Variants in PKD1 observed in about 807,000 individuals in gnomAD.
The protein encoded by PKD1 is polycystin 1, transient receptor potential channel interacting.
In PKD1, 81 loss-of-function variants were observed where a neutral mutation model predicts 361.7. The ratio of observed to expected loss-of-function variants is 0.22; its 90% CI spans 0.19 to 0.27. PKD1 has a LOEUF of 0.27. Ranked by LOEUF, PKD1 falls within the 10% of genes least tolerant of loss-of-function variation. The pLI is 1.00. For synonymous variants in PKD1, 3,615 were observed against 2,818.3 expected, an observed-to-expected ratio of 1.28 and a Z score of -8.95; for missense variants, 6,399 against 6,118.3, an observed-to-expected ratio of 1.05 and a Z score of -1.53.
chr16:2,116,544 C>A lies in PKD1; in HGVS notation c.1707G>T (p.Pro569=), dbSNP rs371587349. Residue 569 remains proline (P), a synonymous_variant, in exon 8 of 46, where the codon CCG becomes CCT. Coordinates refer to ENST00000262304, the MANE Select transcript of PKD1 (RefSeq NM_001009944.3). ...GGCCGACTACCTCCACGGGCTCGTG[C>A]GGGGCTGAGAGGCCGTCCTGCTGTG... ...PLAQQDGLSA[P]HEPVEVMVFP... 19 of 1,545,782 alleles carry A rather than the reference C, an allele frequency of 1.2e-5. No homozygotes were observed. In the African/African-American group the frequency reaches 1.9e-4, roughly 16 times the overall value.
intron 16 of PKD1, 165 bp from the exon 17 acceptor site, chr16:2,107,113 C>T (rs2092365564): frequency 4.2e-6 from 3 of 710,990 alleles, no homozygotes; most frequent in Non-Finnish European, 7.5e-6. Context: ...TGCCACCTTC[C>T]AACTTGGACG....
At chr16:2,129,858 C>T (rs1273251795) in intron 1 of PKD1, among the ~76,000 whole-genome samples, 1 of 151,718 alleles carries the variant, frequency 6.6e-6, no homozygotes, top group East Asian at 1.9e-4. Context: ...CATGTTTAAA[C>T]GGGGTCCCTG....
rs546852303 is a variant in PKD1 at position 2,100,248 on chromosome 16, G to A, written c.9630C>T (p.Ser3210=). 3.2e-5 allele frequency: 51 copies of A among 1,610,580 alleles called. No homozygotes were observed. The East Asian group carries it at 4.7e-4, about 15-fold the overall frequency. The change falls in exon 28 of 46, where the codon AGC becomes AGT. Residue 3210 remains serine, a synonymous_variant. Coordinates refer to ENST00000262304, the MANE Select transcript of PKD1 (RefSeq NM_001009944.3). This position sits in a 1 kb window ranked among gnomAD's most constrained non-coding sequence, Gnocchi z 4.4. ...GCCAGTCATTGACCAGGAAGAAGGC[G>A]CTGCGTGCCGTCTGCAGGTCCCTGA... ...VIVRDLQTAR[S]AFFLVNDWLS... is the part of the protein sequence containing the mutation.
intron 42 of PKD1, 123 bp from the exon 43 acceptor site, chr16:2,091,297 C>A (rs940159696): frequency 1.2e-5 from 4 of 344,246 alleles, no homozygotes; most frequent in South Asian, 2.6e-4. Context: ...CGGGGCCCTG[C>A]GAGGGGGCGG....
At position 2,100,235 on chromosome 16, in the gene PKD1, C is replaced by T. The variant is rs761256921; in HGVS notation, c.9643G>A (p.Val3215Ile). 2 of 1,610,606 alleles carry T rather than the reference C, an allele frequency of 1.2e-6. No individual in the cohort carries two copies. Among genetic ancestry groups the T allele is most frequent in the Non-Finnish European group, 1.7e-6 (2 of 1,179,682 alleles). ...LQTARSAFFLVNDWLSVETEA... is the reference protein window; with the variant it reads ...LQTARSAFFLINDWLSVETEA... ...GTCTCCACCGAAAGCCAGTCATTGA[C>T]CAGGAAGAAGGCGCTGCGTGCCGTC... The change falls in exon 28 of 46, where the codon GTC becomes ATC. Residue 3215 changes from valine to isoleucine, a missense_variant. Physicochemically the swap from Val to Ile is conservative, Grantham distance 29. Coordinates refer to ENST00000262304, the MANE Select transcript of PKD1 (RefSeq NM_001009944.3). This position sits in a 1 kb window ranked among gnomAD's most constrained non-coding sequence, Gnocchi z 4.4.
rs543197516 is a variant in PKD1 at position 2,092,031 on chromosome 16, C to A, written c.11411+16G>T. 1.9e-6 allele frequency: 3 copies of A among 1,612,614 alleles called. No homozygotes were observed. The highest frequency in any genetic ancestry group is 2.2e-5 in the East Asian group (1 of 44,890). Reference sequence around the variant, plus strand: ...TTGTCCTTGGCGTAGACGCCCGGGGCCCTCGCTCTGCTCACCCCAGCAGAT... The same window carrying A: ...TTGTCCTTGGCGTAGACGCCCGGGGACCTCGCTCTGCTCACCCCAGCAGAT... On this transcript the variant is annotated intron_variant, in intron 40 of 45. Coordinates refer to ENST00000262304, the MANE Select transcript of PKD1 (RefSeq NM_001009944.3).
Position 2,111,220 on chromosome 16 carries a change from T to A in PKD1, c.3947A>T (p.Tyr1316Phe), listed in dbSNP as rs144512402. ...PTQPDARLTAYVTGNPAHYLF... is the reference protein window; with the variant it reads ...PTQPDARLTAFVTGNPAHYLF... ...GTAGTGGGCCGGGTTCCCGGTGACGTAGGCCGTGAGCCGCGCGTCAGGCTG... is the reference window on the plus strand; with the variant it reads ...GTAGTGGGCCGGGTTCCCGGTGACGAAGGCCGTGAGCCGCGCGTCAGGCTG... The change falls in exon 15 of 46, where the codon TAC becomes TTC. Residue 1316 changes from tyrosine (Y) to phenylalanine (F), a missense_variant. Transcript: ENST00000262304. 91 of 1,611,116 alleles carry A rather than the reference T, an allele frequency of 5.6e-5. No homozygotes were observed. In the Middle Eastern group the frequency reaches 1.5e-3, roughly 27 times the overall value.
intron 34 of PKD1, chr16:2,094,590 AC>A (rs1218247158): frequency 8.8e-6 from 3 of 341,706 alleles, no homozygotes; most frequent in African/African-American, 6.4e-5. Context: ...CAATCTAGAG[AC>A]GCCAGTGTGT....
In PKD1 at chr16:2,108,974, C is replaced by T. The variant is rs759153885; in HGVS notation, c.6193G>A (p.Ala2065Thr). 189 of 1,609,856 alleles carry T rather than the reference C, an allele frequency of 1.2e-4. No homozygotes were observed. The highest frequency in any genetic ancestry group is 1.6e-4 in the Non-Finnish European group (184 of 1,179,300). ...GTGAAGCAGGGGCCGCTCTGCAGGG[C>T]CACATACTGGACGGCGTCCTGAACC... ...LEVQDAVQYV[A>T]LQSGPCFTNR... Residue 2065 changes from alanine to threonine, a missense_variant, in exon 15 of 46, where the codon GCC becomes ACC. By Grantham distance (58) the Ala-to-Thr change is moderately conservative. Transcript: ENST00000262304.
chr16:2,124,793 G>A (rs977766806), intron 1 of PKD1, among the ~76,000 whole-genome samples: 34 of 152,250 alleles, frequency 2.2e-4, no homozygotes, highest in African/African-American at 8.0e-4. Flanking sequence ...TGGAAACTGG[G>A]CTGGGGGGAC....
At chr16:2,124,805 G>A (rs1303186292) in intron 1 of PKD1, among the ~76,000 whole-genome samples, 13 of 152,218 alleles carry the variant, frequency 8.5e-5, no homozygotes, top group African/African-American at 2.2e-4. Context: ...TGGGGGGACC[G>A]GCTCGGAGGG....
At chr16:2,095,126 TTGG>T (rs1397749161) in intron 34 of PKD1, 1 of 152,080 alleles carries the variant, frequency 6.6e-6, no homozygotes, top group Admixed American at 6.5e-5. Context: ...TAGCCTCAAC[TTGG>T]TCAGGCGTGG....
In PKD1 at chr16:2,106,765, G is replaced by C; in HGVS notation, c.7209+40C>G. ...GCAGGCCCCGTCCCCTCGGCCATGG[G>C]ACCCATCCCCAGCCCGCCCACACCC... On this transcript the variant is annotated intron_variant, in intron 17 of 45. Transcript: ENST00000262304. The surrounding 1 kb of genome is among the most constrained non-coding windows in gnomAD (Gnocchi z 6.5). The C allele has an allele frequency of 6.7e-7, 1 of 1,503,210 alleles. No individual in the cohort carries two copies. Among genetic ancestry groups the C allele is most frequent in the Non-Finnish European group, 9.1e-7 (1 of 1,100,028 alleles). 93.1% of individuals were successfully genotyped at this position (1,503,210 alleles called of 1,614,324 possible). A position where few individuals can be genotyped will look rare whatever the true frequency, so the allele number is the denominator to read the frequency against.
In PKD1 at chr16:2,092,112, G is replaced by A. The variant is rs145955373; in HGVS notation, c.11346C>T (p.Asp3782=). The change falls in exon 40 of 46, where the codon GAC becomes GAT. Residue 3782 remains aspartate, a synonymous_variant. Coordinates refer to ENST00000262304, the MANE Select transcript of PKD1 (RefSeq NM_001009944.3). The part of the protein sequence containing the change: ...AAGGFSTSDY[D]VGWESPHNGS... ...CATTGTGAGGACTCTCCCAGCCAACGTCGTAATCGCTGGTGCTGAAGCCTC... is the reference window on the plus strand; with the variant it reads ...CATTGTGAGGACTCTCCCAGCCAACATCGTAATCGCTGGTGCTGAAGCCTC... The A allele has an allele frequency of 3.9e-3, 6,295 of 1,612,888 alleles. 31 individuals carry two copies. The highest frequency in any genetic ancestry group is 0.017 in the Middle Eastern group (106 of 6,062).
rs751262185 is a variant in PKD1, at chr16:2,109,983, G to T, written c.5184C>A (p.Asn1728Lys). The change falls in exon 15 of 46, where the codon AAC (asparagine) becomes AAA (lysine). Residue 1728 changes from asparagine to lysine, a missense_variant. Physicochemically the swap from Asn to Lys is moderately conservative, Grantham distance 94 (BLOSUM62 0). Coordinates refer to ENST00000262304, the MANE Select transcript of PKD1 (RefSeq NM_001009944.3). ...VGWLMVAASP[N>K]PAAVNTSVTL... ...TGACGCTTGTGTTGACGGCAGCTGG[G>T]TTCGGGGAGGCGGCCACCATCAGCC... The T allele has an allele frequency of 1.4e-5, 22 of 1,609,868 alleles. No individual in the cohort carries two copies. The highest frequency in any genetic ancestry group is 1.9e-5 in the Non-Finnish European group (22 of 1,179,434).
At chr16:2,127,511 C>T (rs1284607454) in intron 1 of PKD1, among the ~76,000 whole-genome samples, 1 of 152,210 alleles carries the variant, frequency 6.6e-6, no homozygotes, top group Non-Finnish European at 1.5e-5. Flanking sequence ...GGTCTAAGCA[C>T]AGGCACAGTG....
chr16:2,095,120 C>T (rs2091790854), intron 34 of PKD1: 1 of 152,098 alleles, frequency 6.6e-6, no homozygotes, highest in African/African-American at 2.4e-5. Flanking sequence ...ATGACCTAGC[C>T]TCAACTTGGT....
chr16:2,119,461 G>C, intron 1 of PKD1, 83 bp from the exon 2 acceptor site: 1 of 780,678 alleles, frequency 1.3e-6, no homozygotes, highest in South Asian at 1.4e-5. Flanking sequence ...CACATTGCCA[G>C]CATCCCCAAG....
chr16:2,110,329 G>A lies in PKD1; in HGVS notation c.4838C>T (p.Ala1613Val), dbSNP rs150405131. 6.8e-5 allele frequency: 110 copies of A among 1,612,662 alleles called. No homozygotes were observed. In the African/African-American group the frequency reaches 1.2e-3, roughly 18 times the overall value. The change falls in exon 15 of 46, where the codon GCT (alanine) becomes GTT (valine). Residue 1613 changes from alanine (A) to valine (V), a missense_variant. By Grantham distance (64) the Ala-to-Val change is moderately conservative. Coordinates refer to ENST00000262304, the MANE Select transcript of PKD1 (RefSeq NM_001009944.3). ...CTGGGCGGAGCCCACCTCGTTCTCA[G>A]CCGTGACGATGATATTGAAGGTGCC... ...SVGTFNIIVT[A>V]ENEVGSAQDS...
Sources: allele counts gnomAD v4.1 joint callset (sites outside exome capture counted in the v4.1 genomes callset), GRCh38; gene constraint gnomAD v4.1.1; non-coding constraint Gnocchi (gnomAD v3.1); transcripts MANE v1.5; gene names NCBI Gene and HGNC (gene_info 2026-07-23, HGNC 2026-07-21).